Variants in EPHA6 observed in about 807,000 individuals in gnomAD.
EPHA6 encodes the protein ephrin type-A receptor 6.
A neutral mutation model predicts 112.0 loss-of-function variants in EPHA6; 50 were observed. That is an observed-to-expected ratio of 0.45 (90% CI 0.36 to 0.56). The LOEUF (loss-of-function observed/expected upper bound fraction) is 0.56, where lower values mean the gene tolerates loss of function less well. Ranked by LOEUF, EPHA6 falls within the 20% of genes least tolerant of loss-of-function variation. The probability of loss-of-function intolerance (pLI) is 0.00; values close to 1 mark genes in which losing one functional copy is unlikely to be tolerated. For synonymous variants in EPHA6, 529 were observed against 490.7 expected, an observed-to-expected ratio of 1.08 and a Z score of -1.03; for missense variants, 1,280 against 1,417.4, an observed-to-expected ratio of 0.90 and a Z score of 1.56.
intron 3 of EPHA6, among the ~76,000 whole-genome samples, chr3:97,137,701 G>A (rs752030601): frequency 6.6e-6 from 1 of 152,094 alleles, no homozygotes; most frequent in Non-Finnish European, 1.5e-5. Flanking sequence ...TTTGCCAAAT[G>A]TGAATAGAGT....
intron 1 of EPHA6, among the ~76,000 whole-genome samples, chr3:96,820,888 TA>T (rs1308268584): frequency 6.6e-6 from 1 of 151,974 alleles, no homozygotes; most frequent in Non-Finnish European, 1.5e-5. Flanking sequence ...AGGTTTTGGC[TA>T]ATAAGGAGCA....
chr3:96,889,950 G>T (rs2037856484), intron 2 of EPHA6, among the ~76,000 whole-genome samples: 1 of 151,986 alleles, frequency 6.6e-6, no homozygotes. Context: ...TAAATCTGGG[G>T]CTTGCAGGAT....
intron 2 of EPHA6, among the ~76,000 whole-genome samples, chr3:96,972,797 C>T (rs541789049): frequency 1.3e-5 from 2 of 152,218 alleles, no homozygotes; most frequent in South Asian, 2.1e-4. Flanking sequence ...ATAGTCCGTT[C>T]TGTGCTAAGA....
At position 97,320,015 on chromosome 3, in the gene EPHA6, A is replaced by C. The variant is rs541801430; in HGVS notation, c.1606+75728A>C. On this transcript the variant is annotated intron_variant, in intron 5 of 17. Coordinates refer to ENST00000389672, the MANE Select transcript of EPHA6 (RefSeq NM_001080448.3). ...AAAACTCTCTCTAAAATCAAGAATTAAAGACCTGCTTCGTTCTCTCCTCAC... is the reference window on the plus strand; with the variant it reads ...AAAACTCTCTCTAAAATCAAGAATTCAAGACCTGCTTCGTTCTCTCCTCAC... 8.5e-5 allele frequency among the ~76,000 whole-genome samples: 13 copies of C among 152,206 alleles called. 1 individual carries two copies. The South Asian group carries it at 2.7e-3, about 32-fold the overall frequency.
intron 5 of EPHA6, among the ~76,000 whole-genome samples, chr3:97,373,673 T>G (rs188514954): frequency 2.0e-5 from 3 of 152,282 alleles, no homozygotes; most frequent in African/African-American, 7.2e-5. Context: ...TATTACAGTG[T>G]GATTTGAAAG....
chr3:97,235,853 T>C (rs1272761526), intron 4 of EPHA6, among the ~76,000 whole-genome samples: 1 of 152,110 alleles, frequency 6.6e-6, no homozygotes, highest in Non-Finnish European at 1.5e-5. Flanking sequence ...ACCAGTTACA[T>C]ACCTGCAGGT....
intron 14 of EPHA6, among the ~76,000 whole-genome samples, chr3:97,643,262 G>A (rs1201607028): frequency 6.7e-6 from 1 of 149,810 alleles, no homozygotes; most frequent in African/African-American, 2.4e-5. Flanking sequence ...GTCACCACCA[G>A]GCCTGCCCTA....
At chr3:97,555,987 C>T (rs557317744) in intron 11 of EPHA6, among the ~76,000 whole-genome samples, 1 of 152,048 alleles carries the variant, frequency 6.6e-6, no homozygotes, top group East Asian at 1.9e-4. Flanking sequence ...TCATAGGTCC[C>T]AAACCACCTC....
At position 97,203,241 on chromosome 3, in the gene EPHA6, T is replaced by C. The variant is rs115110727; in HGVS notation, c.1115-23023T>C. ...TGTTGTAAGGTGGTAGAGGCAAAAG[T>C]AGAAAGAGTCATTGGGATAATTCAA... On this transcript the variant is annotated intron_variant, in intron 3 of 17. Coordinates refer to ENST00000389672, the MANE Select transcript of EPHA6 (RefSeq NM_001080448.3). Among the ~76,000 whole-genome samples the C allele has an allele frequency of 4.9e-3, 748 of 152,232 alleles. 6 individuals carry two copies. The highest frequency in any genetic ancestry group is 0.016 in the African/African-American group (661 of 41,562).
Position 97,749,430 on chromosome 3 carries a change from A to G in EPHA6, c.*729A>G, listed in dbSNP as rs573934166. On this transcript the variant is annotated 3_prime_UTR_variant, in exon 18 of 18. Coordinates refer to ENST00000389672, the MANE Select transcript of EPHA6 (RefSeq NM_001080448.3). ...GGTAGTTTAAAGGCTTTTCACCTCT[A>G]ATTTTATTTATTTATTTATTTATTT... Among the ~76,000 whole-genome samples the G allele has an allele frequency of 2.0e-5, 3 of 152,164 alleles. No individual in the cohort carries two copies. The highest frequency in any genetic ancestry group is 3.4e-3 in the Middle Eastern group (1 of 294).
At chr3:97,304,549 A>G (rs372649273) in intron 5 of EPHA6, among the ~76,000 whole-genome samples, 2 of 152,234 alleles carry the variant, frequency 1.3e-5, no homozygotes, top group South Asian at 2.1e-4. Context: ...AAACAAAAAC[A>G]TAGACCAATG....
At chr3:97,054,974 T>C (rs1471517244) in intron 3 of EPHA6, among the ~76,000 whole-genome samples, 2 of 152,024 alleles carry the variant, frequency 1.3e-5, no homozygotes, top group African/African-American at 2.4e-5. Context: ...CTTTGGGAAA[T>C]AATGAAGATG....
intron 13 of EPHA6, among the ~76,000 whole-genome samples, chr3:97,637,008 T>A (rs1478953385): frequency 1.3e-5 from 2 of 152,182 alleles, no homozygotes; most frequent in Non-Finnish European, 2.9e-5. Flanking sequence ...TTTCCTCTAA[T>A]TTCAAGGGTA....
At position 97,311,188 on chromosome 3, in the gene EPHA6, C is replaced by G. The variant is rs529008828; in HGVS notation, c.1606+66901C>G. On this transcript the variant is annotated intron_variant, in intron 5 of 17. Coordinates refer to ENST00000389672, the MANE Select transcript of EPHA6 (RefSeq NM_001080448.3). ...TGGAAGTATTGATGTTACATAAAGT[C>G]TATTTCTTGAAGACAGGAACTCTTG... 2.0e-5 allele frequency among the ~76,000 whole-genome samples: 3 copies of G among 151,730 alleles called. No individual in the cohort carries two copies. In the East Asian group the frequency reaches 5.8e-4, roughly 29 times the overall value.
chr3:97,359,194 C>G (rs1037146139), intron 5 of EPHA6, among the ~76,000 whole-genome samples: 2 of 151,980 alleles, frequency 1.3e-5, no homozygotes, highest in African/African-American at 4.8e-5. Context: ...ATATACTGAT[C>G]TGCTTCATGG....
intron 3 of EPHA6, among the ~76,000 whole-genome samples, chr3:97,076,606 C>A (rs1184752636): frequency 6.6e-6 from 1 of 152,144 alleles, no homozygotes; most frequent in African/African-American, 2.4e-5. Context: ...GCTACACTAA[C>A]AACATATTTT....
intron 1 of EPHA6, among the ~76,000 whole-genome samples, chr3:96,841,568 AG>A (rs2034750774): frequency 1.3e-5 from 2 of 152,126 alleles, no homozygotes; most frequent in Middle Eastern, 3.4e-3. Flanking sequence ...CCCTCTCTAA[AG>A]GCTCACTTTC....
At chr3:97,370,514 A>G (rs1319715560) in intron 5 of EPHA6, among the ~76,000 whole-genome samples, 1 of 152,160 alleles carries the variant, frequency 6.6e-6, no homozygotes, top group Non-Finnish European at 1.5e-5. Context: ...GTCAAAGTAT[A>G]TATGAGAGTG....
chr3:97,564,461 CTT>C (rs2093234560), intron 11 of EPHA6, among the ~76,000 whole-genome samples: 1 of 152,066 alleles, frequency 6.6e-6, no homozygotes, highest in African/African-American at 2.4e-5. Context: ...AAACATTACA[CTT>C]ATTTTTTTCT....
Sources: gnomAD v4.1 joint callset for allele counts (sites outside exome capture counted in the v4.1 genomes callset) on GRCh38, gnomAD v4.1.1 for gene constraint, MANE v1.5 for transcripts, NCBI Gene and HGNC (gene_info 2026-07-23, HGNC 2026-07-21) for gene names.